The following HBS1L variants were observed in gnomAD, a reference collection of about 807,000 sequenced individuals.
HBS1L encodes the protein HBS1-like protein.
HBS1L carries 55 observed loss-of-function variants against 88.9 expected under a neutral mutation model. That is an observed-to-expected ratio of 0.62 (90% confidence interval 0.50 to 0.77). HBS1L has a LOEUF of 0.77. Among genes scored for constraint, HBS1L ranks in the 30% least tolerant of loss-of-function variants. The probability of loss-of-function intolerance (pLI) is 0.00; values close to 1 mark genes in which losing one functional copy is unlikely to be tolerated. For missense variants in HBS1L, 741 were observed against 829.3 expected, an observed-to-expected ratio of 0.89 and a Z score of 1.31; for synonymous variants, 267 against 288.5, an observed-to-expected ratio of 0.93 and a Z score of 0.76.
intron 4 of HBS1L, among the ~76,000 whole-genome samples, chr6:135,023,139 A>C (rs1776121186): frequency 6.6e-6 from 1 of 152,070 alleles, no homozygotes; most frequent in Non-Finnish European, 1.5e-5. Context: ...AATAGGGAAC[A>C]ACCTGCCATT....
At chr6:135,038,779 C>T (rs1283267984) in intron 4 of HBS1L, among the ~76,000 whole-genome samples, 1 of 151,974 alleles carries the variant, frequency 6.6e-6, no homozygotes, top group Non-Finnish European at 1.5e-5. Flanking sequence ...AAATCTCTGG[C>T]TATAAAATGC....
At chr6:135,014,758 T>C (rs2114842519) in intron 4 of HBS1L, among the ~76,000 whole-genome samples, 1 of 148,024 alleles carries the variant, frequency 6.8e-6, no homozygotes, top group South Asian at 2.1e-4. Flanking sequence ...GGCTCATGCC[T>C]GTAATCCCAT....
At chr6:135,024,426 T>G (rs1290775933) in intron 4 of HBS1L, among the ~76,000 whole-genome samples, 15 of 119,272 alleles carry the variant, frequency 1.3e-4, no homozygotes, top group African/African-American at 4.5e-4. Flanking sequence ...GGTGACAGAG[T>G]GAGACTTCGT....
intron 9 of HBS1L, 77 bp from the exon 10 acceptor site, chr6:134,986,887 A>C (rs150002734): frequency 4.0e-5 from 24 of 598,416 alleles, no homozygotes; most frequent in African/African-American, 3.1e-4. Context: ...GCAATGAAAT[A>C]TAATCAAGAC....
chr6:135,028,264 TAAA>T (rs35511460), intron 4 of HBS1L, among the ~76,000 whole-genome samples: 3 of 125,496 alleles, frequency 2.4e-5, no homozygotes, highest in Admixed American at 1.7e-4. Flanking sequence ...TGCAAGGTAA[TAAA>T]AAAAAAAAAA....
chr6:134,966,568 C>T lies in HBS1L; in HGVS notation c.1899-95G>A, dbSNP rs185500288. ...AAACAAATATTTCACATTTAACCAA[C>T]ATATCAACTGAGTCTTTCAAAAACA... On this transcript the variant is annotated intron_variant, in intron 16 of 17. Coordinates refer to ENST00000367837, the MANE Select transcript of HBS1L (RefSeq NM_006620.4). 3,263 of 754,744 alleles carry T rather than the reference C, an allele frequency of 4.3e-3. 14 individuals are homozygous for T. Among genetic ancestry groups the T allele is most frequent in the Non-Finnish European group, 5.7e-3 (2,861 of 499,670 alleles). 46.8% of individuals were successfully genotyped at this position (754,744 alleles called of 1,614,324 possible).
intron 4 of HBS1L, chr6:135,037,625 A>C: frequency 6.5e-7 from 1 of 1,548,808 alleles, no homozygotes; most frequent in Non-Finnish European, 8.7e-7. Flanking sequence ...ATTTCTTTGA[A>C]TGCAGAATCA....
chr6:135,021,116 T>A (rs1055473804), intron 4 of HBS1L, among the ~76,000 whole-genome samples: 11 of 152,066 alleles, frequency 7.2e-5, no homozygotes, highest in South Asian at 6.2e-4. Flanking sequence ...GAGCTTCAGA[T>A]CCTCCAACTA....
At chr6:135,035,322 C>T (rs1481994827) in intron 4 of HBS1L, among the ~76,000 whole-genome samples, 1 of 151,740 alleles carries the variant, frequency 6.6e-6, no homozygotes, top group Non-Finnish European at 1.5e-5. Context: ...TGGTGACATG[C>T]ACCTGTAGTC....
chr6:134,997,646 C>T lies in HBS1L; in HGVS notation c.550G>A (p.Glu184Lys). Residue 184 changes from glutamate to lysine, a missense_variant, in exon 6 of 18, where the codon GAA becomes AAA. Coordinates refer to ENST00000367837, the MANE Select transcript of HBS1L (RefSeq NM_006620.4). ...GTGTGGAAACTATGACCATTTTCTT[C>T]AGAAGATACTCTACAGAAGGCAGAT... ...MGFEVPGVSS[E>K]ENGHSFHTPQ... 1 of 1,613,876 alleles carries T rather than the reference C, an allele frequency of 6.2e-7. No individual in the cohort carries two copies. The highest frequency in any genetic ancestry group is 8.5e-7 in the Non-Finnish European group (1 of 1,179,858).
intron 8 of HBS1L, among the ~76,000 whole-genome samples, chr6:134,992,681 C>T (rs1298738393): frequency 2.0e-5 from 3 of 151,878 alleles, no homozygotes; most frequent in African/African-American, 2.4e-5. Context: ...TACAGCTGTA[C>T]AACGTTTGTG....
At chr6:134,994,798 A>T (rs1218306243) in intron 7 of HBS1L, among the ~76,000 whole-genome samples, 8 of 152,116 alleles carry the variant, frequency 5.3e-5, no homozygotes, top group Non-Finnish European at 7.4e-5. Flanking sequence ...CCTGTATAAG[A>T]AGGCCCAAGG....
intron 1 of HBS1L, among the ~76,000 whole-genome samples, chr6:135,052,202 T>C (rs748278098): frequency 6.6e-6 from 1 of 152,120 alleles, no homozygotes; most frequent in Non-Finnish European, 1.5e-5. Flanking sequence ...GGCAAAAACA[T>C]ATATGATTAA....
intron 5 of HBS1L, among the ~76,000 whole-genome samples, chr6:134,999,678 C>A (rs1178590452): frequency 6.6e-6 from 1 of 151,972 alleles, no homozygotes; most frequent in Non-Finnish European, 1.5e-5. Context: ...GAACTCCTGA[C>A]CCCAAGTAAT....
At chr6:135,026,472 T>A (rs1051917155) in intron 4 of HBS1L, among the ~76,000 whole-genome samples, 2 of 152,022 alleles carry the variant, frequency 1.3e-5, no homozygotes, top group Non-Finnish European at 2.9e-5. Flanking sequence ...AATATGTAAA[T>A]ATAAAAGACA....
intron 15 of HBS1L, among the ~76,000 whole-genome samples, chr6:134,969,906 A>T (rs1774433059): frequency 6.6e-6 from 1 of 152,222 alleles, no homozygotes; most frequent in South Asian, 2.1e-4. Flanking sequence ...ATAATATCAT[A>T]TTCACAGTAA....
At chr6:135,053,377 T>C (rs1287738939) in intron 1 of HBS1L, among the ~76,000 whole-genome samples, 1 of 152,228 alleles carries the variant, frequency 6.6e-6, no homozygotes, top group Admixed American at 6.5e-5. Context: ...AACAGTACTC[T>C]AAGCACTAAC....
chr6:135,023,063 G>A lies in HBS1L; in HGVS notation c.430+16510C>T, dbSNP rs74370255. ...AAACAAGTAGAAAAAAATGATCTTA[G>A]GGAAATTGTTTATGGCTGTTCTTTA... On this transcript the variant is annotated intron_variant, in intron 4 of 17. Coordinates refer to ENST00000367837, the MANE Select transcript of HBS1L (RefSeq NM_006620.4). Among the ~76,000 whole-genome samples, 496 of 151,840 alleles carry A rather than the reference G, an allele frequency of 3.3e-3. 3 individuals carry two copies. Among genetic ancestry groups the A allele is most frequent in the African/African-American group, 0.011 (468 of 41,470 alleles).
intron 16 of HBS1L, among the ~76,000 whole-genome samples, chr6:134,966,982 T>G (rs1774335118): frequency 6.6e-6 from 1 of 152,038 alleles, no homozygotes; most frequent in South Asian, 2.1e-4. Flanking sequence ...AAGATTCCCC[T>G]CAATCAATCA....
Sources: gnomAD v4.1 joint callset for allele counts (sites outside exome capture counted in the v4.1 genomes callset) on GRCh38, gnomAD v4.1.1 for gene constraint, MANE v1.5 for transcripts, NCBI Gene and HGNC (gene_info 2026-07-23, HGNC 2026-07-21) for gene names.